FAT4: variants seen among roughly 807,000 people sequenced by gnomAD.
FAT4 encodes protocadherin Fat 4.
A neutral mutation model predicts 303.9 loss-of-function variants in FAT4; 84 were observed. The ratio of observed to expected loss-of-function variants is 0.28; its 90% CI spans 0.23 to 0.33. The LOEUF is 0.33. Ranked by LOEUF, FAT4 falls within the 10% of genes least tolerant of loss-of-function variation. FAT4 has a pLI of 1.00. For missense variants in FAT4, 6,005 were observed against 6,146.8 expected (o/e 0.98, Z 0.77); for synonymous variants, 2,307 against 2,298.8 (o/e 1.00, Z -0.10).
rs1727233522 is a variant in FAT4, at chr4:125,481,654, C to G, written c.12738C>G (p.Asn4246Lys). ...RGAMLEPFGVNSLEVKFRTRS... is the reference protein window; with the variant it reads ...RGAMLEPFGVKSLEVKFRTRS... ...CCATGTTGGAGCCTTTTGGTGTGAACAGTCTGGAAGTAAAATTTAGGACCA... is the reference window on the plus strand; with the variant it reads ...CCATGTTGGAGCCTTTTGGTGTGAAGAGTCTGGAAGTAAAATTTAGGACCA... Residue 4246 changes from asparagine (N) to lysine (K), a missense_variant, in exon 16 of 18, where the codon AAC becomes AAG. By Grantham distance (94) the Asn-to-Lys change is moderately conservative (BLOSUM62 0). Coordinates refer to ENST00000394329, the MANE Select transcript of FAT4 (RefSeq NM_001291303.3). The G allele has an allele frequency of 6.2e-7, 1 of 1,613,928 alleles. No individual in the cohort carries two copies. The highest frequency in any genetic ancestry group is 8.5e-7 in the Non-Finnish European group (1 of 1,179,960).
Position 125,321,511 on chromosome 4 carries a change from A to G in FAT4, c.5100A>G (p.Gln1700=), listed in dbSNP as rs368051619. The change falls in exon 2 of 18, where the codon CAA becomes CAG. Residue 1700 remains glutamine (Q), a synonymous_variant. Transcript: ENST00000394329. ...IQTAAILDRE[Q]GACLYLVDVY... ...CCGCAGCCATTCTGGACCGGGAGCAAGGAGCATGTCTTTACCTGGTGGATG... is the reference window on the plus strand; with the variant it reads ...CCGCAGCCATTCTGGACCGGGAGCAGGGAGCATGTCTTTACCTGGTGGATG... 3.1e-6 allele frequency: 5 copies of G among 1,614,152 alleles called. No individual in the cohort carries two copies. The highest frequency in any genetic ancestry group is 4.2e-6 in the Non-Finnish European group (5 of 1,179,984).
At chr4:125,355,781 G>A (rs1230547869) in intron 2 of FAT4, among the ~76,000 whole-genome samples, 2 of 151,736 alleles carry the variant, frequency 1.3e-5, no homozygotes, top group Non-Finnish European at 2.9e-5. Context: ...TGGTGGAAGA[G>A]AAAAAACATA....
In FAT4 at chr4:125,490,035, G is replaced by T. The variant is rs778931232; in HGVS notation, c.13219G>T (p.Ala4407Ser). 6.2e-7 allele frequency: 1 copy of T among 1,613,934 alleles called. No individual in the cohort carries two copies. Among genetic ancestry groups the T allele is most frequent in the Admixed American group, 1.7e-5 (1 of 60,008 alleles). Residue 4407 changes from alanine to serine, a missense_variant, in exon 18 of 18, where the codon GCC (alanine) becomes TCC (serine). Transcript: ENST00000394329. Reference sequence around the variant, plus strand: ...TGGCTGCCGTGGCCCGAACATTTGTGCCAGCAACCCCTGCTGGGGTGATTT... The same window carrying T: ...TGGCTGCCGTGGCCCGAACATTTGTTCCAGCAACCCCTGCTGGGGTGATTT... ...KIGCRGPNIC[A>S]SNPCWGDLLC...
intron 7 of FAT4, among the ~76,000 whole-genome samples, chr4:125,425,248 A>C (rs1012778911): frequency 6.6e-6 from 1 of 152,156 alleles, no homozygotes; most frequent in Admixed American, 6.5e-5. Context: ...ACAACCAACA[A>C]AAATTTGTGT....
Position 125,321,208 on chromosome 4 carries a change from C to A in FAT4, c.4797C>A (p.Leu1599=), listed in dbSNP as rs746466001. 78 of 1,614,042 alleles carry A rather than the reference C, an allele frequency of 4.8e-5. No homozygotes were observed. Among genetic ancestry groups the A allele is most frequent in the Non-Finnish European group, 6.4e-5 (76 of 1,180,024 alleles). The change falls in exon 2 of 18, where the codon CTC becomes CTA. Residue 1599 remains leucine, a synonymous_variant. Transcript: ENST00000394329. Reference sequence around the variant, plus strand: ...TGCCTTCACAGTTGATCTACAATCTCATAGTTTCAGCAACAGACCTTGGGC... The same window carrying A: ...TGCCTTCACAGTTGATCTACAATCTAATAGTTTCAGCAACAGACCTTGGGC... ...ALVPSQLIYN[L]IVSATDLGPE... is the part of the protein sequence containing the mutation.
In FAT4 at chr4:125,344,971, T is replaced by A. The variant is rs145417084; in HGVS notation, c.5175+23385T>A. Among the ~76,000 whole-genome samples the A allele has an allele frequency of 2.0e-5, 3 of 152,072 alleles. No individual in the cohort carries two copies. The East Asian group carries it at 5.8e-4, about 29-fold the overall frequency. ...TGAAATGAATTTGTGAATGGATGAG[T>A]TTTGCTTTCTTTGGTACTGTAGTGA... is the stretch of plus-strand genomic sequence containing the variant. On this transcript the variant is annotated intron_variant, in intron 2 of 17. Transcript: ENST00000394329.
chr4:125,423,892 T>C (rs1240336864), intron 7 of FAT4, among the ~76,000 whole-genome samples: 1 of 152,226 alleles, frequency 6.6e-6, no homozygotes, highest in Non-Finnish European at 1.5e-5. Flanking sequence ...TTTTGGACTT[T>C]CAGGGGCCTG....
intron 5 of FAT4, 82 bp from the exon 6 acceptor site, chr4:125,414,802 A>G: frequency 1.1e-6 from 1 of 925,376 alleles, no homozygotes; most frequent in Non-Finnish European, 1.7e-6. Context: ...AAACATGCCA[A>G]ATTACTTGCT....
chr4:125,471,943 G>C (rs1267773274), intron 12 of FAT4, among the ~76,000 whole-genome samples: 2 of 142,004 alleles, frequency 1.4e-5, no homozygotes, highest in East Asian at 4.1e-4. Context: ...CCGGCATAGC[G>C]GTGTGCGCCT....
At position 125,336,261 on chromosome 4, in the gene FAT4, G is replaced by C. The variant is rs578020192; in HGVS notation, c.5175+14675G>C. ...CGCAAGACATAACCAAGAACAGAAG[G>C]GTTATTAGCTAACAAAGGGAAGCAG... On this transcript the variant is annotated intron_variant, in intron 2 of 17. Coordinates refer to ENST00000394329, the MANE Select transcript of FAT4 (RefSeq NM_001291303.3). Among the ~76,000 whole-genome samples the C allele has an allele frequency of 6.8e-4, 103 of 152,056 alleles. 1 individual carries two copies. Among genetic ancestry groups the C allele is most frequent in the Middle Eastern group, 3.4e-3 (1 of 294 alleles).
chr4:125,326,894 G>A (rs1327165903), intron 2 of FAT4, among the ~76,000 whole-genome samples: 3 of 151,992 alleles, frequency 2.0e-5, no homozygotes, highest in East Asian at 1.9e-4. Context: ...GCATGGTGGT[G>A]CACGCCTGTA....
intron 7 of FAT4, among the ~76,000 whole-genome samples, chr4:125,423,256 CT>C (rs1184418644): frequency 6.8e-6 from 1 of 146,112 alleles, no homozygotes; most frequent in Non-Finnish European, 1.5e-5. Flanking sequence ...TGTCAGAGAC[CT>C]TCTCGACAGC....
At chr4:125,461,282 T>C (rs1284291662) in intron 10 of FAT4, among the ~76,000 whole-genome samples, 1 of 152,068 alleles carries the variant, frequency 6.6e-6, no homozygotes, top group Non-Finnish European at 1.5e-5. Flanking sequence ...AAATTTCATT[T>C]GTTGCTATTT....
At position 125,408,708 on chromosome 4, in the gene FAT4, G is replaced by C. The variant is rs1482153901; in HGVS notation, c.5834G>C (p.Ser1945Thr). The C allele has an allele frequency of 6.2e-7, 1 of 1,611,974 alleles. No individual in the cohort carries two copies. Among genetic ancestry groups the C allele is most frequent in the Non-Finnish European group, 8.5e-7 (1 of 1,178,492 alleles). The change falls in exon 5 of 18, where the codon AGC (serine) becomes ACC (threonine). Residue 1945 changes from serine (S) to threonine (T), a missense_variant. Physicochemically the swap from Ser to Thr is moderately conservative, Grantham distance 58. Transcript: ENST00000394329. Reference protein sequence around the residue: ...LDVNDNPPIFSLNSYSTSLME... With the variant: ...LDVNDNPPIFTLNSYSTSLME... Reference sequence around the variant, plus strand: ...GTAAATGATAATCCACCTATTTTCAGCTTGAATTCATACAGCACATCTTTA... The same window carrying C: ...GTAAATGATAATCCACCTATTTTCACCTTGAATTCATACAGCACATCTTTA...
chr4:125,408,560 G>A lies in FAT4; in HGVS notation c.5686G>A (p.Gly1896Arg). Reference sequence around the variant, plus strand: ...CATCTTTTTCCTGAATCCTATTACTGGGGTCTTTAATTTGACTCGATTATT... The same window carrying A: ...CATCTTTTTCCTGAATCCTATTACTAGGGTCTTTAATTTGACTCGATTATT... ...DGIFFLNPIT[G>R]VFNLTRLLDY... Residue 1896 changes from glycine to arginine, a missense_variant, in exon 5 of 18, where the codon GGG becomes AGG. Gly to Arg is a moderately radical substitution (Grantham distance 125). Transcript: ENST00000394329. 6.2e-7 allele frequency: 1 copy of A among 1,612,180 alleles called. No homozygotes were observed. Among genetic ancestry groups the A allele is most frequent in the Non-Finnish European group, 8.5e-7 (1 of 1,178,736 alleles).
intron 10 of FAT4, among the ~76,000 whole-genome samples, chr4:125,453,704 TA>T (rs61411789): frequency 0.05 from 7,258 of 144,762 alleles, 593 homozygotes; most frequent in African/African-American, 0.17. Context: ...GACTCTGTCT[TA>T]AAAAAAAAAA....
At chr4:125,349,751 G>A (rs923808304) in intron 2 of FAT4, among the ~76,000 whole-genome samples, 6 of 151,448 alleles carry the variant, frequency 4.0e-5, no homozygotes, top group African/African-American at 1.5e-4. Context: ...CATCACATAA[G>A]CTAGATTCCC....
At position 125,315,940 on chromosome 4, in the gene FAT4, G is replaced by A. The variant is rs1730563849; in HGVS notation, c.-50G>A. 6.6e-6 allele frequency among the ~76,000 whole-genome samples: 1 copy of A among 152,176 alleles called. No individual in the cohort carries two copies. Among genetic ancestry groups the A allele is most frequent in the South Asian group, 2.1e-4 (1 of 4,830 alleles). On this transcript the variant is annotated 5_prime_UTR_variant, in exon 1 of 18. Coordinates refer to ENST00000394329, the MANE Select transcript of FAT4 (RefSeq NM_001291303.3). ...CCTTCCCCGGTGCGCAGTTGTGCTTGGACGTTTGTTCCTCCCTCTTCACGT... is the reference window on the plus strand; with the variant it reads ...CCTTCCCCGGTGCGCAGTTGTGCTTAGACGTTTGTTCCTCCCTCTTCACGT...
Position 125,490,233 on chromosome 4 carries a change from G to A in FAT4, c.13417G>A (p.Val4473Ile), listed in dbSNP as rs145835705. 3.3e-4 allele frequency: 540 copies of A among 1,614,088 alleles called. No homozygotes were observed. Among genetic ancestry groups the A allele is most frequent in the African/African-American group, 1.4e-3 (104 of 75,024 alleles). ...TGAGATGGTGGTGGCCTGTCTTGGC[G>A]TCCTCTGTCCTCAGGGGAAGGTGTG... is the stretch of plus-strand genomic sequence containing the variant. ...TCEMVVACLGVLCPQGKVCKA... is the reference protein window; with the variant it reads ...TCEMVVACLGILCPQGKVCKA... Residue 4473 changes from valine (V) to isoleucine (I), a missense_variant, in exon 18 of 18, where the codon GTC (valine) becomes ATC (isoleucine). Coordinates refer to ENST00000394329, the MANE Select transcript of FAT4 (RefSeq NM_001291303.3).
Sources: gnomAD v4.1 joint callset for allele counts (sites outside exome capture counted in the v4.1 genomes callset) on GRCh38, gnomAD v4.1.1 for gene constraint, MANE v1.5 for transcripts, NCBI Gene and HGNC (gene_info 2026-07-23, HGNC 2026-07-21) for gene names.